PRKCA: variants seen among roughly 807,000 people sequenced by gnomAD.
PRKCA encodes protein kinase C alpha.
A neutral mutation model predicts 87.0 loss-of-function variants in PRKCA; 27 were observed. The observed-to-expected ratio is 0.31, with a 90% CI of 0.23 to 0.43. PRKCA has a LOEUF of 0.43. Ranked by LOEUF, PRKCA falls within the 20% of genes least tolerant of loss-of-function variation. PRKCA has a pLI of 1.00. For synonymous variants in PRKCA, 329 were observed against 311.1 expected, an observed-to-expected ratio of 1.06 and a Z score of -0.61; for missense variants, 518 against 852.3, an observed-to-expected ratio of 0.61 and a Z score of 4.88.
At chr17:66,559,455 C>T (rs1407840930) in intron 3 of PRKCA, among the ~76,000 whole-genome samples, 1 of 111,512 alleles carries the variant, frequency 9.0e-6, no homozygotes. Context: ...AGCCTGGGCG[C>T]AACAGAGTGA....
chr17:66,711,817 T>C (rs2014344873), intron 8 of PRKCA, among the ~76,000 whole-genome samples: 2 of 152,196 alleles, frequency 1.3e-5, no homozygotes, highest in Admixed American at 1.3e-4. Context: ...ATAATGTTTT[T>C]AGAGTTTCTC....
intron 2 of PRKCA, among the ~76,000 whole-genome samples, chr17:66,382,814 A>G (rs1327686811): frequency 1.3e-5 from 2 of 152,048 alleles, no homozygotes; most frequent in Non-Finnish European, 1.5e-5. Flanking sequence ...GATGCTGCTC[A>G]ACATCCTGTA....
intron 3 of PRKCA, among the ~76,000 whole-genome samples, chr17:66,632,513 G>A (rs974532563): frequency 1.3e-5 from 2 of 151,982 alleles, no homozygotes; most frequent in African/African-American, 4.8e-5. Context: ...CTGAGTAGCT[G>A]GGACTAAAGG....
intron 13 of PRKCA, among the ~76,000 whole-genome samples, chr17:66,770,083 A>C (rs900956787): frequency 6.6e-6 from 1 of 152,214 alleles, no homozygotes; most frequent in Admixed American, 6.5e-5. Flanking sequence ...AGATTTATAC[A>C]TTTCTAGTTG....
intron 3 of PRKCA, among the ~76,000 whole-genome samples, chr17:66,534,231 A>T (rs1488364690): frequency 6.6e-6 from 1 of 152,142 alleles, no homozygotes; most frequent in African/African-American, 2.4e-5. Flanking sequence ...TGTTCTAACT[A>T]GCAGGCGGAA....
chr17:66,594,901 T>C (rs936576845), intron 3 of PRKCA, among the ~76,000 whole-genome samples: 24 of 152,188 alleles, frequency 1.6e-4, no homozygotes, highest in Non-Finnish European at 3.1e-4. Context: ...TCTGTGTTAG[T>C]TTCCTAGGGC....
chr17:66,535,520 G>A (rs974065931), intron 3 of PRKCA, among the ~76,000 whole-genome samples: 28 of 152,176 alleles, frequency 1.8e-4, no homozygotes, highest in African/African-American at 6.5e-4. Context: ...TAACTGATGG[G>A]GTGGGTGTCC....
At chr17:66,543,949 C>T (rs966153497) in intron 3 of PRKCA, among the ~76,000 whole-genome samples, 7 of 152,152 alleles carry the variant, frequency 4.6e-5, no homozygotes, top group African/African-American at 7.2e-5. Flanking sequence ...CTGTGGCTCA[C>T]GCCTGTAATC....
chr17:66,577,398 G>C (rs1189963640), intron 3 of PRKCA, among the ~76,000 whole-genome samples: 2 of 152,190 alleles, frequency 1.3e-5, no homozygotes, highest in Non-Finnish European at 2.9e-5. Flanking sequence ...AGAATAAGCA[G>C]ATGGTGATTC....
chr17:66,360,516 G>A (rs553702564), intron 2 of PRKCA, among the ~76,000 whole-genome samples: 72 of 152,280 alleles, frequency 4.7e-4, no homozygotes, highest in African/African-American at 1.6e-3. Context: ...GTTGTGGTGC[G>A]GGGAGGCCAT....
intron 2 of PRKCA, among the ~76,000 whole-genome samples, chr17:66,480,201 C>G (rs1915716959): frequency 6.6e-6 from 1 of 151,964 alleles, no homozygotes; most frequent in African/African-American, 2.4e-5. Context: ...TTTCCTAGTT[C>G]CTTTGTCTCG....
chr17:66,304,400 T>C (rs1904687442), intron 1 of PRKCA, among the ~76,000 whole-genome samples: 1 of 152,224 alleles, frequency 6.6e-6, no homozygotes, highest in South Asian at 2.1e-4. Flanking sequence ...TTCTTTTAAG[T>C]TGCCCGACGT....
intron 3 of PRKCA, among the ~76,000 whole-genome samples, chr17:66,573,659 A>G (rs1969142618): frequency 6.6e-6 from 1 of 152,232 alleles, no homozygotes; most frequent in Admixed American, 6.5e-5. Flanking sequence ...TTTACAACAA[A>G]GCATAACATT....
intron 2 of PRKCA, among the ~76,000 whole-genome samples, chr17:66,395,008 G>A (rs148402147): frequency 4.1e-4 from 62 of 152,262 alleles, no homozygotes; most frequent in African/African-American, 1.5e-3. Context: ...ACTATTTTTA[G>A]CATTATTTCA....
intron 3 of PRKCA, among the ~76,000 whole-genome samples, chr17:66,615,337 G>A (rs895553327): frequency 6.6e-6 from 1 of 152,136 alleles, no homozygotes; most frequent in Non-Finnish European, 1.5e-5. Flanking sequence ...GAGGGGAGTG[G>A]ATGTCGGGGT....
At chr17:66,798,394 G>T (rs1295781328) in intron 16 of PRKCA, among the ~76,000 whole-genome samples, 1 of 124,908 alleles carries the variant, frequency 8.0e-6, no homozygotes, top group Non-Finnish European at 1.6e-5. Context: ...TGGTGGTGGT[G>T]GTGGTGGTGG....
chr17:66,652,648 G>A (rs1022869104), intron 5 of PRKCA, among the ~76,000 whole-genome samples: 1 of 152,168 alleles, frequency 6.6e-6, no homozygotes, highest in Non-Finnish European at 1.5e-5. Context: ...TCTAGAAAGT[G>A]ATATAGGTGT....
intron 8 of PRKCA, among the ~76,000 whole-genome samples, chr17:66,717,717 CGCAGAG>C (rs1973511932): frequency 6.6e-6 from 1 of 152,196 alleles, no homozygotes; most frequent in African/African-American, 2.4e-5. Flanking sequence ...CACGAAGCGG[CGCAGAG>C]GCTGTGGTGA....
chr17:66,504,672 G>A (rs1916891695), intron 3 of PRKCA, among the ~76,000 whole-genome samples: 1 of 152,180 alleles, frequency 6.6e-6, no homozygotes, highest in Non-Finnish European at 1.5e-5. Flanking sequence ...AGTTTAGCAG[G>A]GAGAGAGCCA....
Sources: allele counts gnomAD v4.1 joint callset (sites outside exome capture counted in the v4.1 genomes callset), GRCh38; gene constraint gnomAD v4.1.1; transcripts MANE v1.5; gene names NCBI Gene and HGNC (gene_info 2026-07-23, HGNC 2026-07-21).